TPM4: variants seen among roughly 807,000 people sequenced by gnomAD.
TPM4 encodes the protein tropomyosin alpha-4 chain.
A neutral mutation model predicts 35.8 loss-of-function variants in TPM4; 17 were observed. That is an observed-to-expected ratio of 0.47 (90% CI 0.32 to 0.71). The LOEUF is 0.71. TPM4 is among the 30% of genes least tolerant of loss of function. TPM4 has a pLI of 0.03. For synonymous variants in TPM4, 120 were observed against 122.9 expected (o/e 0.98, Z 0.15); for missense variants, 240 against 320.9 (o/e 0.75, Z 1.93).
intron 7 of TPM4, chr19:16,095,634 A>G (rs2090687190): frequency 2.0e-6 from 2 of 998,866 alleles, no homozygotes; most frequent in Non-Finnish European, 2.4e-6. Context: ...AAAGCTTATT[A>G]CAAAAAGAAA....
At chr19:16,069,441 G>T (rs1373261919) in intron 2 of TPM4, among the ~76,000 whole-genome samples, 14 of 2,434 alleles carry the variant, frequency 5.8e-3, no homozygotes, top group East Asian at 0.013. Context: ...GTGTGAATGA[G>T]TGTGTGTTTC....
intron 5 of TPM4, chr19:16,093,210 T>G (rs948960009): frequency 9.4e-6 from 2 of 213,530 alleles, no homozygotes; most frequent in Admixed American, 5.2e-5. Context: ...TTGTTTGTTT[T>G]TTTGAGATGG....
upstream of TPM4, among the ~76,000 whole-genome samples, chr19:16,071,615 T>A (rs1394604946): frequency 6.6e-6 from 1 of 152,196 alleles, no homozygotes; most frequent in East Asian, 1.9e-4. Context: ...GATCCCAGAA[T>A]TCCGAAGCAG....
In TPM4 at chr19:16,070,565, T is replaced by C. The variant is rs2045391692; in HGVS notation, c.114+2827T>C. On this transcript the variant is annotated intron_variant, in intron 2 of 2. Transcript: ENST00000589897. The surrounding 1 kb of genome is among the most constrained non-coding windows in gnomAD (Gnocchi z 7.4). Reference sequence around the variant, plus strand: ...CATGTTTGAGTCATGGCTCAGTCGCTAGGTGTCCCGGACGCCTGCATGAGT... The same window carrying C: ...CATGTTTGAGTCATGGCTCAGTCGCCAGGTGTCCCGGACGCCTGCATGAGT... Among the ~76,000 whole-genome samples, 1 of 152,218 alleles carries C rather than the reference T, an allele frequency of 6.6e-6. No homozygotes were observed. Among genetic ancestry groups the C allele is most frequent in the African/African-American group, 2.4e-5 (1 of 41,444 alleles).
upstream of TPM4, among the ~76,000 whole-genome samples, chr19:16,074,005 G>GT (rs1375505136): frequency 9.5e-6 from 1 of 105,046 alleles, no homozygotes; most frequent in East Asian, 3.0e-4. Context: ...GCAAGATCAG[G>GT]TTAAAAAAAA....
In TPM4 at chr19:16,093,690, A is replaced by C. The variant is rs928866220; in HGVS notation, c.601A>C (p.Thr201Pro). 1.2e-6 allele frequency: 2 copies of C among 1,614,082 alleles called. No homozygotes were observed. The highest frequency in any genetic ancestry group is 1.7e-6 in the Non-Finnish European group (2 of 1,180,016). Reference protein sequence around the residue: ...LLSDKLKEAETRAEFAERTVA... With the variant: ...LLSDKLKEAEPRAEFAERTVA... Reference sequence around the variant, plus strand: ...CTCCTTTCTTCTTATCTAGGCTGAGACCCGTGCTGAATTTGCAGAGAGAAC... The same window carrying C: ...CTCCTTTCTTCTTATCTAGGCTGAGCCCCGTGCTGAATTTGCAGAGAGAAC... The change falls in exon 7 of 8, where the codon ACC (threonine) becomes CCC (proline). Residue 201 changes from threonine (T) to proline (P), a missense_variant. Transcript: ENST00000643579.
chr19:16,083,036 G>A (rs185416748), intron 2 of TPM4, among the ~76,000 whole-genome samples: 1 of 149,236 alleles, frequency 6.7e-6, no homozygotes, highest in East Asian at 2.0e-4. Flanking sequence ...TGGAGAGGAG[G>A]AAAGGAAACT....
rs1356790535 is a variant in TPM4, at chr19:16,093,644, G to C, written c.595-40G>C. 10 of 1,614,112 alleles carry C rather than the reference G, an allele frequency of 6.2e-6. No individual in the cohort carries two copies. The East Asian group carries it at 8.9e-5, about 14-fold the overall frequency. On this transcript the variant is annotated intron_variant, in intron 6 of 7. Transcript: ENST00000643579. Reference sequence around the variant, plus strand: ...CGAGCTCTGGTTTCTCCTGGGGCTGGTCTTGAAGCCATGATAGTAACTCCT... The same window carrying C: ...CGAGCTCTGGTTTCTCCTGGGGCTGCTCTTGAAGCCATGATAGTAACTCCT...
intron 2 of TPM4, among the ~76,000 whole-genome samples, chr19:16,068,919 G>C (rs1230389015): frequency 6.6e-6 from 1 of 152,230 alleles, no homozygotes; most frequent in Non-Finnish European, 1.5e-5. Context: ...TAGGAGAGCT[G>C]TGTGTGGGAC....
intron 5 of TPM4, 64 bp downstream of exon 5, chr19:16,089,184 A>G: frequency 1.4e-5 from 23 of 1,601,106 alleles, no homozygotes; most frequent in Non-Finnish European, 2.0e-5. Flanking sequence ...CTCCCGAGGG[A>G]TGCAGGAGCC....
chr19:16,099,544 A>G (rs2144966524), intron 7 of TPM4: 1 of 152,264 alleles, frequency 6.6e-6, no homozygotes, highest in Non-Finnish European at 1.5e-5. Flanking sequence ...TGATCATGCC[A>G]CTGCACTCCA....
In TPM4 at chr19:16,076,514, C is replaced by T; in HGVS notation, c.-52C>T. 1.4e-6 allele frequency: 2 copies of T among 1,380,610 alleles called. No homozygotes were observed. Among genetic ancestry groups the T allele is most frequent in the Non-Finnish European group, 1.9e-6 (2 of 1,072,520 alleles). The allele number at this position is 1,380,610 out of a possible 1,614,324, so 85.5% of individuals were successfully genotyped here. On this transcript the variant is annotated 5_prime_UTR_variant, in exon 1 of 8. Coordinates refer to ENST00000643579, the MANE Select transcript of TPM4 (RefSeq NM_003290.3). ...GCGGCTGTGCAGCTCTCGCCGGAGC[C>T]GAGCCCAGCCGAGCGTCCGCCGCTG... is the stretch of plus-strand genomic sequence containing the variant.
At chr19:16,073,963 C>CCA (rs2090379476), upstream of TPM4, among the ~76,000 whole-genome samples, 1 of 71,884 alleles carries the variant, frequency 1.4e-5, no homozygotes, top group Non-Finnish European at 2.5e-5. Context: ...AAAAAAAACG[C>CCA]AAAAAAAAAA....
chr19:16,098,250 C>G (rs1358366145), intron 7 of TPM4, among the ~76,000 whole-genome samples: 3 of 152,036 alleles, frequency 2.0e-5, no homozygotes, highest in African/African-American at 7.2e-5. Flanking sequence ...CAGGACCAAC[C>G]TGGTCAACAT....
upstream of TPM4, among the ~76,000 whole-genome samples, chr19:16,072,225 G>A (rs987352137): frequency 1.3e-5 from 2 of 152,192 alleles, no homozygotes; most frequent in Non-Finnish European, 2.9e-5. Context: ...GGCCCATAGT[G>A]GCCTCAGTCC....
At chr19:16,076,377 C>G, upstream of TPM4, 1 of 1,407,772 alleles carries the variant, frequency 7.1e-7, no homozygotes, top group Non-Finnish European at 9.2e-7. Context: ...CCCAGCGGTG[C>G]TGACGTCGGC....
chr19:16,099,751 T>G (rs2090742927), intron 7 of TPM4: 1 of 152,174 alleles, frequency 6.6e-6, no homozygotes, highest in Admixed American at 6.6e-5. Flanking sequence ...AACTAAGTTC[T>G]CTCTCGTGCT....
rs766820314 is a variant in TPM4 at position 16,067,743 on chromosome 19, G to T, written c.114+5G>T. On this transcript the variant is annotated splice_donor_5th_base_variant and intron_variant, in intron 2 of 2. Transcript: ENST00000589897. The surrounding 1 kb of genome is among the most constrained non-coding windows in gnomAD (Gnocchi z 4.1). The stretch of plus-strand genomic sequence containing the variant: ...GCTGAGGACAAGTGCAAGCAGGTGA[G>T]GTGCCCTCCGCTGGGCCGCTCCGGG... 3.1e-6 allele frequency: 5 copies of T among 1,610,982 alleles called. No homozygotes were observed. Among genetic ancestry groups the T allele is most frequent in the Non-Finnish European group, 4.2e-6 (5 of 1,179,260 alleles).
intron 7 of TPM4, among the ~76,000 whole-genome samples, chr19:16,096,567 C>A (rs943506923): frequency 5.9e-5 from 9 of 152,156 alleles, no homozygotes; most frequent in African/African-American, 1.9e-4. Flanking sequence ...TTTCTTGTGT[C>A]TTTTCTCTGT....
Sources: allele counts gnomAD v4.1 joint callset (sites outside exome capture counted in the v4.1 genomes callset), GRCh38; gene constraint gnomAD v4.1.1; non-coding constraint Gnocchi (gnomAD v3.1); transcripts MANE v1.5; gene names NCBI Gene and HGNC (gene_info 2026-07-23, HGNC 2026-07-21).